MAPK12: variants seen among roughly 807,000 people sequenced by gnomAD.
MAPK12 encodes the protein MAP kinase 12.
Under a neutral mutation model 49.1 loss-of-function variants are expected in MAPK12, and 49 were observed. That is an observed-to-expected ratio of 1.00 (90% CI 0.79 to 1.27). The LOEUF (loss-of-function observed/expected upper bound fraction) is 1.27. MAPK12 is among the 50% of genes most tolerant of loss of function. The pLI, the probability that MAPK12 is intolerant of heterozygous loss-of-function variation, is 0.00. For synonymous variants in MAPK12, 251 were observed against 209.7 expected (o/e 1.20, Z -1.70); for missense variants, 554 against 502.4 (o/e 1.10, Z -0.98).
At chr22:50,259,700 T>C (rs150854219) in intron 2 of MAPK12, among the ~76,000 whole-genome samples, 1,834 of 151,912 alleles carry the variant, frequency 0.012, 38 homozygotes, top group African/African-American at 0.042. Flanking sequence ...CTGCCCAACA[T>C]AGTGAAACCT....
At chr22:50,254,634 AGAGT>A (rs2065130170) in intron 11 of MAPK12, 1 of 1,001,798 alleles carries the variant, frequency 1.0e-6, no homozygotes, top group Non-Finnish European at 1.2e-6. Context: ...CCTGGGCATC[AGAGT>A]GAGACTCCGT....
intron 2 of MAPK12, 186 bp downstream of exon 2, chr22:50,260,981 T>C (rs1202892256): frequency 4.8e-6 from 3 of 628,328 alleles, no homozygotes; most frequent in Non-Finnish European, 7.4e-6. Context: ...GGAACGGCCC[T>C]TGGGGGAGTC....
In MAPK12 at chr22:50,255,237, G is replaced by C; in HGVS notation, c.984C>G (p.Asp328Glu). ...EDEPQVQKYD[D>E]SFDDVDRTLD... ...GTGTGCGGTCAACGTCGTCAAAGGAGTCATCATACTTCTGGACCTGGGGCT... is the reference window on the plus strand; with the variant it reads ...GTGTGCGGTCAACGTCGTCAAAGGACTCATCATACTTCTGGACCTGGGGCT... The change falls in exon 11 of 12, where the codon GAC becomes GAG. Residue 328 changes from aspartate (D) to glutamate (E), a missense_variant. By Grantham distance (45) the Asp-to-Glu change is conservative. Coordinates refer to ENST00000215659, the MANE Select transcript of MAPK12 (RefSeq NM_002969.6). 1.9e-6 allele frequency: 3 copies of C among 1,613,988 alleles called. No individual in the cohort carries two copies. The highest frequency in any genetic ancestry group is 2.5e-6 in the Non-Finnish European group (3 of 1,180,012).
In MAPK12 at chr22:50,253,223, G is replaced by C; in HGVS notation, c.*178C>G. On this transcript the variant is annotated 3_prime_UTR_variant, in exon 12 of 12. Transcript: ENST00000215659. The stretch of plus-strand genomic sequence containing the variant: ...CCAGAAAGTTCAGGTGCTCCTCCAT[G>C]ATGGGCGCCCAAGAGCAGAGGCATG... 2 of 655,458 alleles carry C rather than the reference G, an allele frequency of 3.1e-6. No individual in the cohort carries two copies. Among genetic ancestry groups the C allele is most frequent in the Non-Finnish European group, 2.8e-6 (1 of 358,350 alleles). The allele number at this position is 655,458 out of a possible 1,614,324, so 40.6% of individuals were successfully genotyped here.
chr22:50,256,246 C>A, intron 6 of MAPK12, 47 bp from the exon 7 acceptor site: 2 of 1,450,716 alleles, frequency 1.4e-6, no homozygotes, highest in Non-Finnish European at 1.9e-6. Flanking sequence ...TCCCAAGGAG[C>A]GGACAGGCCA....
chr22:50,257,324 C>A, intron 3 of MAPK12, 131 bp from the exon 4 acceptor site: 1 of 667,834 alleles, frequency 1.5e-6, no homozygotes, highest in Admixed American at 2.2e-5. Context: ...CCCTGCAGCA[C>A]ACATCCACAC....
At position 50,258,155 on chromosome 22, in the gene MAPK12, A is replaced by G. The variant is rs533396915; in HGVS notation, c.314+88T>C. ...CCCCCACTCAGGCTGCAGGAAGAGA[A>G]CCCCATTGCCAACCTAGAACCTGAA... On this transcript the variant is annotated intron_variant, in intron 3 of 11. Transcript: ENST00000215659. The G allele has an allele frequency of 3.9e-5, 49 of 1,250,122 alleles. No homozygotes were observed. The East Asian group carries it at 9.3e-4, about 24-fold the overall frequency. 77.4% of individuals were successfully genotyped at this position (1,250,122 alleles called of 1,614,324 possible).
At chr22:50,256,880 GC>G (rs2065155854) in intron 5 of MAPK12, 54 bp downstream of exon 5, 5 of 1,588,262 alleles carry the variant, frequency 3.1e-6, no homozygotes, top group South Asian at 2.3e-5. Context: ...GGACGTGGAG[GC>G]GGGGGGATTG....
intron 11 of MAPK12, chr22:50,253,768 T>C (rs1032923923): frequency 4.0e-6 from 2 of 504,450 alleles, no homozygotes; most frequent in Admixed American, 7.1e-5. Flanking sequence ...GAGAGGATCC[T>C]ATGGCCCATG....
chr22:50,256,238 C>T, intron 6 of MAPK12, 39 bp from the exon 7 acceptor site: 1 of 1,523,542 alleles, frequency 6.6e-7, no homozygotes, highest in Non-Finnish European at 9.1e-7. Flanking sequence ...TAGGGGACTC[C>T]CAAGGAGCGG....
rs777870827 is a variant in MAPK12, at chr22:50,261,407, A to G, written c.103T>C (p.Ser35Pro). The G allele has an allele frequency of 2.5e-6, 3 of 1,217,554 alleles. No homozygotes were observed. The highest frequency in any genetic ancestry group is 5.8e-5 in the Admixed American group (2 of 34,230). The allele number at this position is 1,217,554 out of a possible 1,614,324, so 75.4% of individuals were successfully genotyped here. A position where few individuals can be genotyped will look rare whatever the true frequency, so the allele number is the denominator to read the frequency against. Residue 35 changes from serine (S) to proline (P), a missense_variant, in exon 1 of 12, where the codon TCG (serine) becomes CCG (proline). Transcript: ENST00000215659. ...CACCACACCGCGCCGTAGGCGCCCG[A>G]GCCCACGGGCTGCAGGTCCCGGTAC... ...AVYRDLQPVG[S>P]GAYGAVCSAV... is the part of the protein sequence containing the mutation.
At chr22:50,254,673 G>GA in intron 11 of MAPK12, 1 of 1,015,972 alleles carries the variant, frequency 9.8e-7, no homozygotes, top group Non-Finnish European at 1.2e-6. Context: ...ATGGGGCAAG[G>GA]AGAGGCAAGG....
chr22:50,259,889 G>GA (rs1397524613), intron 2 of MAPK12, among the ~76,000 whole-genome samples: 35 of 100,340 alleles, frequency 3.5e-4, no homozygotes, highest in African/African-American at 1.1e-3. Flanking sequence ...GGTCTCAAAA[G>GA]AAAAAAAAAG....
At chr22:50,257,042 G>T in intron 4 of MAPK12, 40 bp downstream of exon 4, 1 of 1,605,754 alleles carries the variant, frequency 6.2e-7, no homozygotes, top group Non-Finnish European at 8.5e-7. Flanking sequence ...CAGCCCCGAG[G>T]CCCTGCCTGC....
rs1269791928 is a variant in MAPK12, at chr22:50,261,215, C to T, written c.207G>A (p.Lys69=). 14 of 1,590,414 alleles carry T rather than the reference C, an allele frequency of 8.8e-6. No homozygotes were observed. Among genetic ancestry groups the T allele is most frequent in the Non-Finnish European group, 1.1e-5 (13 of 1,169,764 alleles). ...GCAGGCGCAGCTCGCGGTAGGCGCG[C>T]TTGGCGAACAGCTCGGACTGGAAAG... The part of the protein sequence containing the change: ...YRPFQSELFA[K]RAYRELRLLK... Residue 69 remains lysine (K), a synonymous_variant, in exon 2 of 12, where the codon AAG becomes AAA. Coordinates refer to ENST00000215659, the MANE Select transcript of MAPK12 (RefSeq NM_002969.6).
At chr22:50,260,672 C>G (rs1268855061) in intron 2 of MAPK12, among the ~76,000 whole-genome samples, 1 of 152,190 alleles carries the variant, frequency 6.6e-6, no homozygotes, top group Non-Finnish European at 1.5e-5. Context: ...ACACTCCCTG[C>G]GTTCTGGCGC....
chr22:50,258,985 G>C (rs1227827086), intron 2 of MAPK12, among the ~76,000 whole-genome samples: 2 of 152,218 alleles, frequency 1.3e-5, no homozygotes, highest in Non-Finnish European at 2.9e-5. Context: ...GGTGGCGGAG[G>C]CCCAGGCCAG....
chr22:50,260,202 G>A (rs974793946), intron 2 of MAPK12, among the ~76,000 whole-genome samples: 3 of 151,828 alleles, frequency 2.0e-5, no homozygotes, highest in Non-Finnish European at 4.4e-5. Context: ...GGCTGAGGGA[G>A]TAGCGGTGGC....
At position 50,256,217 on chromosome 22, in the gene MAPK12, G is replaced by A; in HGVS notation, c.505-18C>T. On this transcript the variant is annotated intron_variant, in intron 6 of 11. Transcript: ENST00000215659. ...TCCAGGATCTGTGGGAAGAATTGGGGAGGTGGGTTCTAGGGGACTCCCAAG... is the reference window on the plus strand; with the variant it reads ...TCCAGGATCTGTGGGAAGAATTGGGAAGGTGGGTTCTAGGGGACTCCCAAG... The A allele has an allele frequency of 6.3e-7, 1 of 1,595,630 alleles. No individual in the cohort carries two copies. Among genetic ancestry groups the A allele is most frequent in the South Asian group, 1.1e-5 (1 of 90,502 alleles).
Sources: gnomAD v4.1 joint callset for allele counts (sites outside exome capture counted in the v4.1 genomes callset) on GRCh38, gnomAD v4.1.1 for gene constraint, MANE v1.5 for transcripts, NCBI Gene and HGNC (gene_info 2026-07-23, HGNC 2026-07-21) for gene names.